Variants in MROH2B observed in about 807,000 individuals in gnomAD.
The protein encoded by MROH2B is maestro heat-like repeat-containing protein family member 2B.
A neutral mutation model predicts 208.6 loss-of-function variants in MROH2B; 177 were observed. The observed-to-expected ratio is 0.85, with a 90% CI of 0.75 to 0.96. The LOEUF (loss-of-function observed/expected upper bound fraction) is 0.96, where lower values mean the gene tolerates loss of function less well. Among genes scored for constraint, MROH2B ranks in the 40% least tolerant of loss-of-function variants. MROH2B has a pLI of 0.00. For missense variants in MROH2B, 2,002 were observed against 1,878.7 expected, an observed-to-expected ratio of 1.07 and a Z score of -1.21; for synonymous variants, 728 against 659.0, an observed-to-expected ratio of 1.10 and a Z score of -1.60.
At chr5:40,998,872 A>G (rs528790153) in intron 40 of MROH2B, among the ~76,000 whole-genome samples, 195 bp from the exon 41 acceptor site, 166 of 152,336 alleles carry the variant, frequency 1.1e-3, no homozygotes, top group Non-Finnish European at 1.9e-3. Flanking sequence ...CATGTCTGCA[A>G]GTAGTCACTT....
At chr5:41,044,002 G>A (rs1743039078) in intron 18 of MROH2B, among the ~76,000 whole-genome samples, 2 of 151,702 alleles carry the variant, frequency 1.3e-5, no homozygotes, top group South Asian at 4.2e-4. Context: ...CACTTTGGCA[G>A]GCTGAGGTGG....
chr5:41,004,735 C>T (rs1358298600), intron 36 of MROH2B, 39 bp downstream of exon 36: 9 of 1,592,622 alleles, frequency 5.7e-6, no homozygotes, highest in Non-Finnish European at 6.8e-6. Context: ...TTTCAAAACT[C>T]TACTTAAATG....
At chr5:41,021,270 T>G (rs1164728877) in intron 24 of MROH2B, among the ~76,000 whole-genome samples, 1 of 152,150 alleles carries the variant, frequency 6.6e-6, no homozygotes, top group Non-Finnish European at 1.5e-5. Flanking sequence ...CACTAAACAT[T>G]GTTGAAAGAA....
intron 35 of MROH2B, 181 bp from the exon 36 acceptor site, chr5:41,005,101 C>T (rs1464898306): frequency 2.7e-6 from 2 of 751,634 alleles, no homozygotes; most frequent in Non-Finnish European, 4.2e-6. Context: ...GAGCAGCGCA[C>T]AGGTCAAGCT....
At chr5:41,027,241 G>A (rs1026411708) in intron 24 of MROH2B, among the ~76,000 whole-genome samples, 5 of 152,148 alleles carry the variant, frequency 3.3e-5, no homozygotes, top group African/African-American at 1.2e-4. Context: ...TACCATCAGA[G>A]TGAACAGACA....
intron 30 of MROH2B, 80 bp from the exon 31 acceptor site, chr5:41,010,159 G>C: frequency 1.5e-6 from 2 of 1,323,888 alleles, no homozygotes; most frequent in Admixed American, 4.6e-5. Context: ...TATCTGTCGT[G>C]GATGGGCAGC....
chr5:41,009,383 G>T lies in MROH2B; in HGVS notation c.3317C>A (p.Ala1106Glu). 6.2e-7 allele frequency: 1 copy of T among 1,613,774 alleles called. No homozygotes were observed. The highest frequency in any genetic ancestry group is 8.5e-7 in the Non-Finnish European group (1 of 1,179,778). ...ACTGGAGGCTGGCTTTTCAGCCAGC[G>T]CCTTCCACAATGTCTTTGTGTCCCT... Reference protein sequence around the residue: ...FDRDTKTLWKALAEKPASSGK... With the variant: ...FDRDTKTLWKELAEKPASSGK... Residue 1106 changes from alanine to glutamate, a missense_variant, in exon 32 of 42, where the codon GCG becomes GAG. By Grantham distance (107) the Ala-to-Glu change is moderately radical (BLOSUM62 -1). Transcript: ENST00000399564.
chr5:41,018,668 G>A (rs1378674544), intron 26 of MROH2B, 23 bp downstream of exon 26: 2 of 1,606,682 alleles, frequency 1.2e-6, no homozygotes, highest in African/African-American at 2.7e-5. Context: ...ATGAGAATCA[G>A]TTTGAGTGGA....
rs1385323187 is a variant in MROH2B at position 41,008,721 on chromosome 5, G to A, written c.3493C>T (p.Leu1165Phe). The A allele has an allele frequency of 1.2e-6, 2 of 1,613,890 alleles. No individual in the cohort carries two copies. The highest frequency in any genetic ancestry group is 3.3e-5 in the Admixed American group (2 of 59,992). ...VTGLYPELFTLLLKLVSCTLG... is the reference protein window; with the variant it reads ...VTGLYPELFTFLLKLVSCTLG... ...GTGCAGCTAACCAGCTTCAGGAGGAGAGTGAACAGCTCTGGATACAAGCCG... is the reference window on the plus strand; with the variant it reads ...GTGCAGCTAACCAGCTTCAGGAGGAAAGTGAACAGCTCTGGATACAAGCCG... Residue 1165 changes from leucine to phenylalanine, a missense_variant, in exon 33 of 42, where the codon CTC becomes TTC. Leu to Phe is a conservative substitution (Grantham distance 22). Coordinates refer to ENST00000399564, the MANE Select transcript of MROH2B (RefSeq NM_173489.5).
At chr5:41,006,992 A>G (rs965544221) in intron 34 of MROH2B, among the ~76,000 whole-genome samples, 2 of 148,980 alleles carry the variant, frequency 1.3e-5, no homozygotes, top group Non-Finnish European at 3.0e-5. Context: ...AAATAAAAAA[A>G]TAAAATTTTT....
intron 37 of MROH2B, among the ~76,000 whole-genome samples, chr5:41,003,334 G>T (rs1741465345): frequency 1.3e-5 from 2 of 152,130 alleles, no homozygotes. Context: ...CCAGGTCTAG[G>T]CTAGCACATA....
At chr5:41,024,988 G>A (rs1742298559) in intron 24 of MROH2B, among the ~76,000 whole-genome samples, 1 of 152,308 alleles carries the variant, frequency 6.6e-6, no homozygotes, top group South Asian at 2.1e-4. Context: ...TGAAAGCAAT[G>A]AGAACAAAGA....
At chr5:41,068,742 A>G (rs13186888) in intron 2 of MROH2B, among the ~76,000 whole-genome samples, 43,168 of 152,074 alleles carry the variant, frequency 0.28, 7,057 homozygotes, top group Non-Finnish European at 0.38. Context: ...CCAATGTTTG[A>G]GAAATAGTGT....
Position 41,038,876 on chromosome 5 carries a change from C to T in MROH2B, c.2074G>A (p.Gly692Arg), listed in dbSNP as rs1337253662. The change falls in exon 21 of 42, where the codon GGG becomes AGG. Residue 692 changes from glycine to arginine, a missense_variant. Physicochemically the swap from Gly to Arg is moderately radical, Grantham distance 125. Coordinates refer to ENST00000399564, the MANE Select transcript of MROH2B (RefSeq NM_173489.5). ...TCTGTCTTGGTCAGGCTCTTTTTCC[C>T]AGAAAAAAGGCTCTGAAGACCAGGA... Reference protein sequence around the residue: ...FMNRCKSLFSGKKSLTKTDVM... With the variant: ...FMNRCKSLFSRKKSLTKTDVM... 6.2e-7 allele frequency: 1 copy of T among 1,603,400 alleles called. No individual in the cohort carries two copies. Among genetic ancestry groups the T allele is most frequent in the Non-Finnish European group, 8.5e-7 (1 of 1,176,208 alleles).
chr5:41,042,496 T>C (rs1742986730), intron 18 of MROH2B, among the ~76,000 whole-genome samples: 1 of 152,226 alleles, frequency 6.6e-6, no homozygotes, highest in Non-Finnish European at 1.5e-5. Context: ...GGATTTGGGT[T>C]CATTGTAGCA....
intron 24 of MROH2B, among the ~76,000 whole-genome samples, chr5:41,028,099 A>G (rs973418837): frequency 1.3e-5 from 2 of 152,196 alleles, no homozygotes; most frequent in Admixed American, 6.5e-5. Flanking sequence ...ATGTCGAGTT[A>G]ATGGGTGTAG....
chr5:41,043,957 A>T (rs1743037620), intron 18 of MROH2B, among the ~76,000 whole-genome samples: 1 of 151,924 alleles, frequency 6.6e-6, no homozygotes, highest in South Asian at 2.1e-4. Flanking sequence ...GATGCATCAT[A>T]GGCAGGTTGC....
chr5:41,042,692 C>T (rs1302231073), intron 18 of MROH2B, among the ~76,000 whole-genome samples: 1 of 152,134 alleles, frequency 6.6e-6, no homozygotes, highest in African/African-American at 2.4e-5. Context: ...GCAACCTCTG[C>T]CTCCTGGGTT....
At chr5:41,037,476 A>C (rs181418273) in intron 21 of MROH2B, among the ~76,000 whole-genome samples, 1 of 152,278 alleles carries the variant, frequency 6.6e-6, no homozygotes, top group Non-Finnish European at 1.5e-5. Flanking sequence ...TCTATTTTTG[A>C]CAGGCTCTCC....
Sources: gnomAD v4.1 joint callset for allele counts (sites outside exome capture counted in the v4.1 genomes callset) on GRCh38, gnomAD v4.1.1 for gene constraint, MANE v1.5 for transcripts, NCBI Gene and HGNC (gene_info 2026-07-23, HGNC 2026-07-21) for gene names.